BCL2L14: variants seen among roughly 807,000 people sequenced by gnomAD.
BCL2L14 encodes the protein apoptosis facilitator Bcl-2-like protein 14.
BCL2L14 carries 27 observed loss-of-function variants against 35.3 expected under a neutral mutation model. That is an observed-to-expected ratio of 0.76 (90% CI 0.56 to 1.05). The LOEUF (loss-of-function observed/expected upper bound fraction) is 1.05, where lower values mean the gene tolerates loss of function less well. BCL2L14 is among the 50% of genes least tolerant of loss of function. BCL2L14 has a pLI of 0.00. For synonymous variants in BCL2L14, 139 were observed against 145.9 expected (o/e 0.95, Z 0.34); for missense variants, 377 against 382.6 (o/e 0.99, Z 0.12).
intron 1 of BCL2L14, among the ~76,000 whole-genome samples, chr12:12,051,172 A>G (rs2136703369): frequency 6.6e-6 from 1 of 152,262 alleles, no homozygotes; most frequent in South Asian, 2.1e-4. Flanking sequence ...TAATAAATAG[A>G]GATGGTGGGA....
At chr12:12,083,218 C>A (rs754450062) in intron 2 of BCL2L14, among the ~76,000 whole-genome samples, 4 of 152,184 alleles carry the variant, frequency 2.6e-5, no homozygotes, top group Non-Finnish European at 5.9e-5. Flanking sequence ...TCCGCCTCAG[C>A]CTCCCAAAGT....
intron 1 of BCL2L14, among the ~76,000 whole-genome samples, chr12:12,073,083 A>G (rs1342272080): frequency 6.6e-6 from 1 of 152,014 alleles, no homozygotes; most frequent in Admixed American, 6.6e-5. Flanking sequence ...AGACGGAGCC[A>G]AGGCTGGTCT....
chr12:12,097,322 G>C (rs1315348019), intron 5 of BCL2L14, among the ~76,000 whole-genome samples: 1 of 152,112 alleles, frequency 6.6e-6, no homozygotes, highest in African/African-American at 2.4e-5. Flanking sequence ...GAATGGATAA[G>C]GAAAATGTAG....
chr12:12,055,799 C>T (rs1469056414), intron 2 of BCL2L14: 1 of 152,188 alleles, frequency 6.6e-6, no homozygotes, highest in Non-Finnish European at 1.5e-5. Context: ...CAAGAAGCTC[C>T]GTTCAGTCCA....
At chr12:12,056,697 G>A (rs1036435210) in intron 2 of BCL2L14, among the ~76,000 whole-genome samples, 2 of 152,188 alleles carry the variant, frequency 1.3e-5, no homozygotes, top group Admixed American at 6.5e-5. Flanking sequence ...GCTGGGCGTG[G>A]TGGTAGGCGC....
At chr12:12,085,541 C>G (rs1462673522) in intron 2 of BCL2L14, among the ~76,000 whole-genome samples, 1 of 152,198 alleles carries the variant, frequency 6.6e-6, no homozygotes, top group African/African-American at 2.4e-5. Context: ...TCTTCTTGAT[C>G]TTTCTTCTCT....
At chr12:12,091,624 A>G (rs1347531844) in intron 4 of BCL2L14, among the ~76,000 whole-genome samples, 1 of 152,194 alleles carries the variant, frequency 6.6e-6, no homozygotes, top group South Asian at 2.1e-4. Flanking sequence ...CAGGAAGACA[A>G]ACAGCTCCTG....
intron 4 of BCL2L14, among the ~76,000 whole-genome samples, chr12:12,092,811 G>T (rs1431288921): frequency 6.6e-6 from 1 of 152,160 alleles, no homozygotes; most frequent in Non-Finnish European, 1.5e-5. Flanking sequence ...GTGGTTCAGG[G>T]AAAAGACAGG....
chr12:12,071,679 C>T (rs1202721067), intron 1 of BCL2L14: 2 of 152,196 alleles, frequency 1.3e-5, no homozygotes, highest in Non-Finnish European at 2.9e-5. Context: ...CCTTCTCTCT[C>T]CTCTCTCCCC....
chr12:12,079,816 A>C, intron 2 of BCL2L14, 78 bp downstream of exon 2: 20 of 1,445,444 alleles, frequency 1.4e-5, no homozygotes, highest in Non-Finnish European at 1.7e-5. Context: ...ATCTCTTCTC[A>C]TGTTGTAAAG....
At chr12:12,051,825 T>A (rs1332699311) in exon 2 of BCL2L14, 1 of 152,056 alleles carries the variant, frequency 6.6e-6, no homozygotes, top group Admixed American at 6.5e-5. Flanking sequence ...GAGGCATAGG[T>A]GATGGACACT....
intron 2 of BCL2L14, among the ~76,000 whole-genome samples, chr12:12,060,105 A>G (rs921802078): frequency 7.3e-5 from 11 of 151,000 alleles, no homozygotes; most frequent in African/African-American, 2.7e-4. Flanking sequence ...GCTAGGTCGC[A>G]ATTCTTCCTC....
chr12:12,095,456 A>G lies in BCL2L14; in HGVS notation c.945+526A>G, dbSNP rs115179827. 195 of 985,232 alleles carry G rather than the reference A, an allele frequency of 2.0e-4. No individual in the cohort carries two copies. In the African/African-American group the frequency reaches 3.3e-3, roughly 16 times the overall value. The allele number at this position is 985,232 out of a possible 1,614,324, so 61.0% of individuals were successfully genotyped here. A position where few individuals can be genotyped will look rare whatever the true frequency, so the allele number is the denominator to read the frequency against. On this transcript the variant is annotated intron_variant, in intron 5 of 5. Coordinates refer to ENST00000308721, the MANE Select transcript of BCL2L14 (RefSeq NM_138723.2). ...ACAGTTAAACTTTCATCTATTTTCAATTACCTGGTATCAGTCAAAACAGAC... is the reference window on the plus strand; with the variant it reads ...ACAGTTAAACTTTCATCTATTTTCAGTTACCTGGTATCAGTCAAAACAGAC...
intron 1 of BCL2L14, among the ~76,000 whole-genome samples, chr12:12,078,952 A>G (rs971453934): frequency 6.6e-6 from 1 of 152,276 alleles, no homozygotes; most frequent in African/African-American, 2.4e-5. Flanking sequence ...GTGCGCCACC[A>G]TGCCTGGCTA....
At position 12,099,664 on chromosome 12, in the gene BCL2L14, A is replaced by G. The variant is rs1419743996; in HGVS notation, c.*676A>G. Reference sequence around the variant, plus strand: ...GGTAGTACAATGATTGGTAGCAGGTAAAATAAATACATAGAAAGACTACTG... The same window carrying G: ...GGTAGTACAATGATTGGTAGCAGGTGAAATAAATACATAGAAAGACTACTG... On this transcript the variant is annotated 3_prime_UTR_variant, in exon 6 of 6. Coordinates refer to ENST00000308721, the MANE Select transcript of BCL2L14 (RefSeq NM_138723.2). The G allele has an allele frequency of 6.6e-6, 1 of 152,246 alleles. No individual in the cohort carries two copies. The highest frequency in any genetic ancestry group is 2.4e-5 in the African/African-American group (1 of 41,462). 9.4% of individuals were successfully genotyped at this position (152,246 alleles called of 1,614,324 possible).
At chr12:12,063,493 C>T (rs1243701245) in intron 2 of BCL2L14, among the ~76,000 whole-genome samples, 4 of 150,812 alleles carry the variant, frequency 2.7e-5, no homozygotes, top group Non-Finnish European at 5.9e-5. Flanking sequence ...CAATATCACC[C>T]CTTACCACAA....
In BCL2L14 at chr12:12,051,416, TC is replaced by T. The variant is rs542703521; in HGVS notation, c.-323-376del. Among the ~76,000 whole-genome samples the T allele has an allele frequency of 5.0e-4, 76 of 152,218 alleles. No homozygotes were observed. The South Asian group carries it at 0.016, about 31-fold the overall frequency. ...CTAATAAACAGGGAATCCCGAGGGT[TC>T]CCCTCTACTCCACTCCTGACAGTGG... is the stretch of plus-strand genomic sequence containing the variant. On this transcript the variant is annotated intron_variant, in intron 1 of 3. Transcript: ENST00000461264.
upstream of BCL2L14, among the ~76,000 whole-genome samples, chr12:12,068,423 G>A (rs1773725153): frequency 6.6e-6 from 1 of 151,968 alleles, no homozygotes; most frequent in African/African-American, 2.4e-5. Flanking sequence ...TTTGTTTTGA[G>A]ACAGGGTCTT....
chr12:12,095,076 T>C, intron 5 of BCL2L14, 146 bp downstream of exon 5: 1 of 1,445,768 alleles, frequency 6.9e-7, no homozygotes. Context: ...ATAGATCCCA[T>C]TGATGGGAAC....
Sources: gnomAD v4.1 joint callset for allele counts (sites outside exome capture counted in the v4.1 genomes callset) on GRCh38, gnomAD v4.1.1 for gene constraint, MANE v1.5 for transcripts, NCBI Gene and HGNC (gene_info 2026-07-23, HGNC 2026-07-21) for gene names.